The following DUSP9 variants were observed in gnomAD, a reference collection of about 807,000 sequenced individuals.
The protein encoded by DUSP9 is dual specificity phosphatase 9.
In DUSP9, 4 loss-of-function variants were observed where a neutral mutation model predicts 13.2. The observed-to-expected ratio is 0.30, with a 90% CI of 0.15 to 0.69. The LOEUF is 0.69. Ranked by LOEUF, DUSP9 falls within the 30% of genes least tolerant of loss-of-function variation. The pLI is 0.73. For synonymous variants in DUSP9, 166 were observed against 172.3 expected, an observed-to-expected ratio of 0.96 and a Z score of 0.29; for missense variants, 263 against 355.0, an observed-to-expected ratio of 0.74 and a Z score of 2.08.
rs1341194087 is a variant in DUSP9 at position 153,650,480 on chromosome X, C to T, written c.*175C>T. 3 of 425,773 alleles carry T rather than the reference C, an allele frequency of 7.0e-6. No individual in the cohort carries two copies. The highest frequency in any genetic ancestry group is 3.9e-5 in the East Asian group (1 of 25,694). The allele number at this position is 425,773 out of a possible 1,213,427, so 35.1% of individuals were successfully genotyped here. A position where few individuals can be genotyped will look rare whatever the true frequency, so the allele number is the denominator to read the frequency against. On this transcript the variant is annotated 3_prime_UTR_variant, in exon 4 of 4. Transcript: ENST00000342782. Reference sequence around the variant, plus strand: ...AATCAACGTGCCTATGGCGGGACCACGCTCGGAGCCTGCCTCTTCTGCGAC... The same window carrying T: ...AATCAACGTGCCTATGGCGGGACCATGCTCGGAGCCTGCCTCTTCTGCGAC...
chrX:153,648,727 C>T (rs1377925925), intron 2 of DUSP9, among the ~76,000 whole-genome samples: 1 of 112,045 alleles, frequency 8.9e-6, no homozygotes, highest in Non-Finnish European at 1.9e-5. Context: ...CTGCCTTAGC[C>T]TCCCGAACAG....
At chrX:153,649,956 C>T (rs782511678) in intron 3 of DUSP9, 24 bp from the exon 4 acceptor site, 23 of 1,193,110 alleles carry the variant, frequency 1.9e-5, no homozygotes, top group African/African-American at 1.4e-4. Context: ...CCGGGTCTCC[C>T]GGGCCCTTTC....
chrX:153,649,420 G>A lies in DUSP9; in HGVS notation c.562G>A (p.Asp188Asn). 2 of 1,211,607 alleles carry A rather than the reference G, an allele frequency of 1.7e-6. No homozygotes were observed. Among genetic ancestry groups the A allele is most frequent in the Non-Finnish European group, 2.2e-6 (2 of 895,543 alleles). Residue 188 changes from aspartate to asparagine, a missense_variant, in exon 3 of 4, where the codon GAT becomes AAT. By Grantham distance (23) the Asp-to-Asn change is conservative. Transcript: ENST00000342782. ...ADRDSMSCGL[D>N]SEGATPPPVG... ...CCGCGACTCCATGAGCTGTGGCCTG[G>A]ATTCGGAGGGTGCCACACCCCCACC...
At position 153,650,065 on chromosome X, in the gene DUSP9, C is replaced by T. The variant is rs781865831; in HGVS notation, c.915C>T (p.Leu305=). The T allele has an allele frequency of 9.9e-6, 12 of 1,211,662 alleles. No individual in the cohort carries two copies. In the South Asian group the frequency reaches 1.9e-4, roughly 19 times the overall value. The change falls in exon 4 of 4, where the codon CTC becomes CTT. Residue 305 remains leucine (L), a synonymous_variant. Coordinates refer to ENST00000342782, the MANE Select transcript of DUSP9 (RefSeq NM_001318503.2). ...CTGTCACCGTCACTGTGGCCTACCT[C>T]ATGCAGAAGCTCCACCTCTCTCTCA... is the stretch of plus-strand genomic sequence containing the variant. ...SRSVTVTVAY[L]MQKLHLSLND...
At chrX:153,645,517 G>A (rs958583989), upstream of DUSP9, among the ~76,000 whole-genome samples, 13 of 113,088 alleles carry the variant, frequency 1.1e-4, no homozygotes, top group Non-Finnish European at 1.9e-5. Flanking sequence ...CCCCTTAGAG[G>A]TGACCCACCT....
chrX:153,650,482 C>A lies in DUSP9; in HGVS notation c.*177C>A. 1 of 428,278 alleles carries A rather than the reference C, an allele frequency of 2.3e-6. No homozygotes were observed. Among genetic ancestry groups the A allele is most frequent in the South Asian group, 3.9e-5 (1 of 25,642 alleles). 35.3% of individuals were successfully genotyped at this position (428,278 alleles called of 1,213,427 possible). A position where few individuals can be genotyped will look rare whatever the true frequency, so the allele number is the denominator to read the frequency against. On this transcript the variant is annotated 3_prime_UTR_variant, in exon 4 of 4. Transcript: ENST00000342782. ...TCAACGTGCCTATGGCGGGACCACG[C>A]TCGGAGCCTGCCTCTTCTGCGACTG... is the stretch of plus-strand genomic sequence containing the variant.
upstream of DUSP9, among the ~76,000 whole-genome samples, chrX:153,643,228 C>T (rs1159195994): frequency 4.5e-5 from 5 of 110,750 alleles, no homozygotes; most frequent in African/African-American, 9.9e-5. Flanking sequence ...CACCCCAGCA[C>T]GCGCGCACAC....
chrX:153,642,510 G>T (rs1406821432), upstream of DUSP9: 1 of 112,881 alleles, frequency 8.9e-6, no homozygotes, highest in African/African-American at 3.2e-5. Flanking sequence ...CCGGGGTTCC[G>T]GTGGCGTTAG....
rs1214896445 is a variant in DUSP9 at position 153,648,196 on chromosome X, C to T, written c.243C>T (p.Tyr81=). The change falls in exon 2 of 4, where the codon TAC becomes TAT. Residue 81 remains tyrosine (Y), a synonymous_variant. Transcript: ENST00000342782. ...CCCCGCCTGCCCCCGTGCTCCTGTA[C>T]GACCAGGGCGGGGGCCGGCGCCGGC... ...QPPPPAPVLL[Y]DQGGGRRRRG... is the part of the protein sequence containing the mutation. 3 of 1,054,921 alleles carry T rather than the reference C, an allele frequency of 2.8e-6. No individual in the cohort carries two copies. Among genetic ancestry groups the T allele is most frequent in the East Asian group, 4.1e-5 (1 of 24,613 alleles). 86.9% of individuals were successfully genotyped at this position (1,054,921 alleles called of 1,213,427 possible).
In DUSP9 at chrX:153,648,252, G is replaced by C; in HGVS notation, c.299G>C (p.Trp100Ser). The change falls in exon 2 of 4, where the codon TGG (tryptophan) becomes TCG (serine). Residue 100 changes from tryptophan (W) to serine (S), a missense_variant. Trp to Ser is a radical substitution (Grantham distance 177, BLOSUM62 -3). Coordinates refer to ENST00000342782, the MANE Select transcript of DUSP9 (RefSeq NM_001318503.2). ...RGEAEAEAEEWEAESVLGTLL... is the reference protein window; with the variant it reads ...RGEAEAEAEESEAESVLGTLL... ...GAGGCCGAGGCCGAGGCCGAGGAGT[G>C]GGAGGCCGAGTCGGTGCTGGGCACC... is the stretch of plus-strand genomic sequence containing the variant. 8.9e-7 allele frequency: 1 copy of C among 1,128,214 alleles called. No homozygotes were observed. Among genetic ancestry groups the C allele is most frequent in the South Asian group, 2.0e-5 (1 of 50,424 alleles). 93.0% of individuals were successfully genotyped at this position (1,128,214 alleles called of 1,213,427 possible).
At chrX:153,646,474 C>T (rs781801025), upstream of DUSP9, among the ~76,000 whole-genome samples, 48 of 111,506 alleles carry the variant, frequency 4.3e-4, no homozygotes, top group African/African-American at 1.3e-3. Context: ...GGGAGAGAGG[C>T]GTGGATGTGA....
rs1447198523 is a variant in DUSP9, at chrX:153,650,419, G to A, written c.*114G>A. 1.2e-5 allele frequency: 7 copies of A among 578,205 alleles called. No homozygotes were observed. The highest frequency in any genetic ancestry group is 1.9e-5 in the Non-Finnish European group (7 of 372,836). The allele number at this position is 578,205 out of a possible 1,213,427, so 47.7% of individuals were successfully genotyped here. A position where few individuals can be genotyped will look rare whatever the true frequency, so the allele number is the denominator to read the frequency against. On this transcript the variant is annotated 3_prime_UTR_variant, in exon 4 of 4. Transcript: ENST00000342782. ...GGGCTCGGCCTGAGCAGGGTGCTGG[G>A]GGGAGAGCGCAATACCTCACGCGGG...
At chrX:153,647,818 GGGGGACCCT>G (rs2091194069) in intron 1 of DUSP9, 92 bp from the exon 2 acceptor site, 1 of 714,730 alleles carries the variant, frequency 1.4e-6, no homozygotes, top group African/African-American at 2.3e-5. Flanking sequence ...TCCTCATGGT[GGGGGACCCT>G]GGGCTCCCGC....
upstream of DUSP9, among the ~76,000 whole-genome samples, chrX:153,644,295 C>T (rs868952290): frequency 1.8e-4 from 1 of 5,658 alleles, no homozygotes; most frequent in Non-Finnish European, 4.4e-4. Context: ...GGGGCGGGTG[C>T]GGGGGCGGGG....
At chrX:153,642,656 GGCCTGGCTGCCCCC>G (rs2091173519), upstream of DUSP9, 1 of 16,101 alleles carries the variant, frequency 6.2e-5, no homozygotes. Flanking sequence ...CCCCCCACCC[GGCCTGGCTGCCCCC>G]GCCCCGACGT....
At chrX:153,644,287 G>GGCGGGT (rs1178134318), upstream of DUSP9, among the ~76,000 whole-genome samples, 147 of 98,884 alleles carry the variant, frequency 1.5e-3, no homozygotes, top group Non-Finnish European at 2.1e-3. Flanking sequence ...GCCCGGCGGG[G>GGCGGGT]GCGGGTGCGG....
Position 153,651,144 on chromosome X carries a change from C to G in DUSP9, c.*839C>G, listed in dbSNP as rs2091215795. The G allele has an allele frequency of 8.9e-6, 1 of 112,082 alleles. No homozygotes were observed. Among genetic ancestry groups the G allele is most frequent in the African/African-American group, 3.2e-5 (1 of 30,783 alleles). 9.2% of individuals were successfully genotyped at this position (112,082 alleles called of 1,213,427 possible). ...TGTGTGCTTGTGTGTGCGCACGTGT[C>G]GGCGCTCACACACACATGCTAGCCC... On this transcript the variant is annotated 3_prime_UTR_variant, in exon 4 of 4. Coordinates refer to ENST00000342782, the MANE Select transcript of DUSP9 (RefSeq NM_001318503.2).
chrX:153,649,322 G>C lies in DUSP9; in HGVS notation c.464G>C (p.Gly155Ala). 8.3e-7 allele frequency: 1 copy of C among 1,210,975 alleles called. No individual in the cohort carries two copies. The highest frequency in any genetic ancestry group is 1.1e-6 in the Non-Finnish European group (1 of 895,521). Residue 155 changes from glycine to alanine, a missense_variant, in exon 3 of 4, where the codon GGT becomes GCT. By Grantham distance (60) the Gly-to-Ala change is moderately conservative. Transcript: ENST00000342782. ...RAGSSMAPVP[G>A]PVPVVGLGSL... ...GGCTCCAGCATGGCGCCGGTGCCCG[G>C]TCCAGTGCCCGTGGTGGGGTTGGGC...
Position 153,650,416 on chromosome X carries a change from TG to T in DUSP9, c.*117del. ...GGAGGGCTCGGCCTGAGCAGGGTGC[TG>T]GGGGGAGAGCGCAATACCTCACGCG... On this transcript the variant is annotated 3_prime_UTR_variant, in exon 4 of 4. Coordinates refer to ENST00000342782, the MANE Select transcript of DUSP9 (RefSeq NM_001318503.2). The T allele has an allele frequency of 1.7e-6, 1 of 596,934 alleles. No homozygotes were observed. The highest frequency in any genetic ancestry group is 2.6e-6 in the Non-Finnish European group (1 of 389,112). The allele number at this position is 596,934 out of a possible 1,213,427, so 49.2% of individuals were successfully genotyped here.
Sources: gnomAD v4.1 joint callset for allele counts (sites outside exome capture counted in the v4.1 genomes callset) on GRCh38, gnomAD v4.1.1 for gene constraint, MANE v1.5 for transcripts, NCBI Gene and HGNC (gene_info 2026-07-23, HGNC 2026-07-21) for gene names.